TOM1L2: variants seen among roughly 807,000 people sequenced by gnomAD.
The protein encoded by TOM1L2 is target of myb1 like 2 membrane trafficking protein.
TOM1L2 carries 31 observed loss-of-function variants against 67.9 expected under a neutral mutation model. The ratio of observed to expected loss-of-function variants is 0.46; its 90% CI spans 0.34 to 0.62. The LOEUF (loss-of-function observed/expected upper bound fraction) is 0.62, where lower values mean the gene tolerates loss of function less well. Among genes scored for constraint, TOM1L2 ranks in the 20% least tolerant of loss-of-function variants. The pLI is 0.01. For synonymous variants in TOM1L2, 256 were observed against 254.0 expected, an observed-to-expected ratio of 1.01 and a Z score of -0.07; for missense variants, 606 against 663.5, an observed-to-expected ratio of 0.91 and a Z score of 0.95.
chr17:17,949,453 G>A (rs140029254), intron 1 of TOM1L2, among the ~76,000 whole-genome samples: 1 of 152,232 alleles, frequency 6.6e-6, no homozygotes, highest in Non-Finnish European at 1.5e-5. Flanking sequence ...AGCAGCTAGA[G>A]TCTTACAGGA....
chr17:17,958,190 TCAAAA>T (rs2041542076), intron 1 of TOM1L2, among the ~76,000 whole-genome samples: 1 of 152,108 alleles, frequency 6.6e-6, no homozygotes, highest in Non-Finnish European at 1.5e-5. Context: ...CCTCTGTTCT[TCAAAA>T]CAAACGAACG....
intron 1 of TOM1L2, among the ~76,000 whole-genome samples, chr17:17,950,151 A>G (rs1165931245): frequency 6.6e-6 from 1 of 150,906 alleles, no homozygotes; most frequent in African/African-American, 2.4e-5. Context: ...GTGAGTCACC[A>G]CACCAGGCCT....
At chr17:17,951,417 T>C (rs2144900577) in intron 1 of TOM1L2, among the ~76,000 whole-genome samples, 1 of 152,308 alleles carries the variant, frequency 6.6e-6, no homozygotes, top group East Asian at 1.9e-4. Flanking sequence ...ATTTAGTACT[T>C]GGGTAGACAC....
intron 1 of TOM1L2, among the ~76,000 whole-genome samples, chr17:17,952,365 T>C (rs1052071699): frequency 2.8e-5 from 4 of 142,110 alleles, no homozygotes; most frequent in African/African-American, 1.1e-4. Context: ...CAGTAAGTGC[T>C]TCTTTATTTT....
At chr17:17,874,920 A>C (rs1568129795) in intron 7 of TOM1L2, among the ~76,000 whole-genome samples, 2 of 152,176 alleles carry the variant, frequency 1.3e-5, no homozygotes, top group Non-Finnish European at 2.9e-5. Context: ...GCACAGAGAA[A>C]GCTTTACCAT....
chr17:17,880,271 C>T lies in TOM1L2; in HGVS notation c.661-528G>A, dbSNP rs548334344. ...CAGTGTCAATAGCACTTTTCTGCTGCGGCAAGAATGAGAGAACAGGGGAAG... is the reference window on the plus strand; with the variant it reads ...CAGTGTCAATAGCACTTTTCTGCTGTGGCAAGAATGAGAGAACAGGGGAAG... On this transcript the variant is annotated intron_variant, in intron 6 of 14. Transcript: ENST00000379504. 3.9e-5 allele frequency among the ~76,000 whole-genome samples: 6 copies of T among 152,286 alleles called. No individual in the cohort carries two copies. In the South Asian group the frequency reaches 6.2e-4, roughly 16 times the overall value.
chr17:17,922,980 C>T (rs560929766), intron 1 of TOM1L2, among the ~76,000 whole-genome samples: 59 of 152,258 alleles, frequency 3.9e-4, no homozygotes, highest in African/African-American at 1.4e-3. Flanking sequence ...TGAGGCCAAC[C>T]AGGGACCGCA....
chr17:17,946,248 G>A lies in TOM1L2; in HGVS notation c.52+26014C>T, dbSNP rs77890701. Among the ~76,000 whole-genome samples, 32 of 147,256 alleles carry A rather than the reference G, an allele frequency of 2.2e-4. 2 individuals carry two copies. The East Asian group carries it at 6.7e-3, about 31-fold the overall frequency. On this transcript the variant is annotated intron_variant, in intron 1 of 14. Coordinates refer to ENST00000379504, the MANE Select transcript of TOM1L2 (RefSeq NM_001082968.2). Reference sequence around the variant, plus strand: ...ACCATGAAATCTACCCTCTTGAAGTGTACAATTCAGTGGCATTAGTACATA... The same window carrying A: ...ACCATGAAATCTACCCTCTTGAAGTATACAATTCAGTGGCATTAGTACATA...
At chr17:17,881,071 C>T (rs1040790493) in intron 6 of TOM1L2, among the ~76,000 whole-genome samples, 2 of 152,182 alleles carry the variant, frequency 1.3e-5, no homozygotes, top group African/African-American at 4.8e-5. Flanking sequence ...AGGGCAGGAA[C>T]TCAGCTGGGT....
intron 1 of TOM1L2, among the ~76,000 whole-genome samples, chr17:17,921,509 C>T (rs546783146): frequency 3.3e-4 from 50 of 151,836 alleles, no homozygotes; most frequent in Middle Eastern, 3.4e-3. Context: ...GGGAAGAGGC[C>T]AATTTAGGGC....
chr17:17,967,289 C>T (rs1228241724), intron 1 of TOM1L2, among the ~76,000 whole-genome samples: 1 of 152,130 alleles, frequency 6.6e-6, no homozygotes, highest in East Asian at 1.9e-4. Context: ...GAATACATGC[C>T]CACCACCCCC....
At chr17:17,852,166 A>G (rs1011297209) in intron 12 of TOM1L2, among the ~76,000 whole-genome samples, 9 of 152,238 alleles carry the variant, frequency 5.9e-5, no homozygotes, top group African/African-American at 2.2e-4. Flanking sequence ...GGGTAAGACT[A>G]AAGTAAAAAT....
intron 1 of TOM1L2, among the ~76,000 whole-genome samples, chr17:17,949,663 C>T (rs1272568531): frequency 6.6e-6 from 1 of 152,114 alleles, no homozygotes; most frequent in African/African-American, 2.4e-5. Context: ...GATGAGACAG[C>T]CATCCTGGGG....
At chr17:17,925,383 CAGTGTGTTGA>C (rs1434984458) in intron 1 of TOM1L2, among the ~76,000 whole-genome samples, 3 of 151,966 alleles carry the variant, frequency 2.0e-5, no homozygotes, top group South Asian at 2.1e-4. Flanking sequence ...TGAAAATAAT[CAGTGTGTTGA>C]AGTATTTGGC....
At chr17:17,879,576 A>G (rs1337710205) in intron 7 of TOM1L2, 51 bp downstream of exon 7, 1 of 1,421,782 alleles carries the variant, frequency 7.0e-7, no homozygotes, top group Admixed American at 1.7e-5. Context: ...CCAACAGTGT[A>G]CGGTGGAAGA....
intron 9 of TOM1L2, 33 bp downstream of exon 9, chr17:17,866,843 C>T (rs2036872972): frequency 6.2e-7 from 1 of 1,607,300 alleles, no homozygotes; most frequent in Non-Finnish European, 8.5e-7. Flanking sequence ...GGTCTGGCCT[C>T]AGGAGATGAC....
chr17:17,906,095 T>C (rs1296231017), intron 2 of TOM1L2, among the ~76,000 whole-genome samples: 1 of 151,556 alleles, frequency 6.6e-6, no homozygotes, highest in African/African-American at 2.4e-5. Context: ...TGTCACCTTC[T>C]AAATGAGACT....
intron 1 of TOM1L2, among the ~76,000 whole-genome samples, chr17:17,940,336 C>A (rs2040683812): frequency 6.6e-6 from 1 of 151,190 alleles, no homozygotes; most frequent in African/African-American, 2.4e-5. Context: ...TAGCTTTATA[C>A]AACCCTATGC....
At chr17:17,884,853 C>T (rs1187489631) in intron 4 of TOM1L2, 85 bp from the exon 5 acceptor site, 6 of 1,563,058 alleles carry the variant, frequency 3.8e-6, no homozygotes, top group Non-Finnish European at 5.2e-6. Context: ...GTCCTCTCCC[C>T]GAGACCAGTG....
Sources: allele counts gnomAD v4.1 joint callset (sites outside exome capture counted in the v4.1 genomes callset), GRCh38; gene constraint gnomAD v4.1.1; transcripts MANE v1.5; gene names NCBI Gene and HGNC (gene_info 2026-07-23, HGNC 2026-07-21).